Variants in PLXNA4 observed in about 807,000 individuals in gnomAD.
The protein encoded by PLXNA4 is plexin-A4.
Under a neutral mutation model 191.8 loss-of-function variants are expected in PLXNA4, and 44 were observed. The observed-to-expected ratio is 0.23, with a 90% CI of 0.18 to 0.29. The LOEUF (loss-of-function observed/expected upper bound fraction) is 0.29. PLXNA4 is among the 10% of genes least tolerant of loss of function. The pLI is 1.00. For missense variants in PLXNA4, 1,800 were observed against 2,488.8 expected (o/e 0.72, Z 5.89); for synonymous variants, 1,082 against 1,009.5 (o/e 1.07, Z -1.36).
intron 9 of PLXNA4, among the ~76,000 whole-genome samples, chr7:132,222,378 G>C (rs528948702): frequency 2.6e-5 from 4 of 152,320 alleles, no homozygotes; most frequent in Admixed American, 6.5e-5. Flanking sequence ...CTCCCATGAG[G>C]GTTTGGCCAA....
chr7:132,639,929 G>A (rs559260838), intron 2 of PLXNA4, among the ~76,000 whole-genome samples: 4 of 152,306 alleles, frequency 2.6e-5, no homozygotes, highest in Middle Eastern at 6.8e-3. Flanking sequence ...AACTGGCTTC[G>A]GGTAAGAACA....
chr7:132,187,320 AAATTGGCTCTATCTGT>A, intron 15 of PLXNA4, 135 bp downstream of exon 15: 2 of 1,239,360 alleles, frequency 1.6e-6, no homozygotes, highest in Non-Finnish European at 2.2e-6. Context: ...CTGTCTCAGG[AAATTGGCTCTATCTGT>A]GCAGCTGGCA....
At chr7:132,434,662 A>T (rs1365662699) in intron 3 of PLXNA4, among the ~76,000 whole-genome samples, 1 of 152,204 alleles carries the variant, frequency 6.6e-6, no homozygotes, top group Non-Finnish European at 1.5e-5. Context: ...ACGTAGTCAG[A>T]TGAAAGAACA....
intron 1 of PLXNA4, among the ~76,000 whole-genome samples, chr7:132,561,026 A>C (rs1801015784): frequency 6.6e-6 from 1 of 151,962 alleles, no homozygotes; most frequent in Non-Finnish European, 1.5e-5. Context: ...TCTTCCTTGG[A>C]GATCGCCAAG....
chr7:132,474,214 T>TCACACA (rs56832356), intron 3 of PLXNA4, among the ~76,000 whole-genome samples: 6,455 of 140,188 alleles, frequency 0.046, 210 homozygotes, highest in African/African-American at 0.09. Flanking sequence ...TCTCTCTGTC[T>TCACACA]CACACACACA....
At chr7:132,480,192 C>T (rs1244742880) in intron 3 of PLXNA4, among the ~76,000 whole-genome samples, 1 of 152,090 alleles carries the variant, frequency 6.6e-6, no homozygotes, top group African/African-American at 2.4e-5. Context: ...TACAATACTA[C>T]AGAGCGACAG....
chr7:132,180,849 A>C, intron 18 of PLXNA4, 117 bp from the exon 19 acceptor site: 1 of 1,470,602 alleles, frequency 6.8e-7, no homozygotes, highest in Non-Finnish European at 9.1e-7. Context: ...TGAAGAAGCC[A>C]CCTTTGGTAA....
At chr7:132,310,501 T>C (rs1415003876) in intron 3 of PLXNA4, among the ~76,000 whole-genome samples, 1 of 152,208 alleles carries the variant, frequency 6.6e-6, no homozygotes, top group Non-Finnish European at 1.5e-5. Context: ...GGTCCCAGCA[T>C]CCTCAGAGAC....
chr7:132,612,768 C>A (rs1803077994), intron 2 of PLXNA4, among the ~76,000 whole-genome samples: 1 of 151,710 alleles, frequency 6.6e-6, no homozygotes, highest in Non-Finnish European at 1.5e-5. Context: ...GAGGGCCTGT[C>A]CTGTGTATTG....
chr7:132,468,107 A>G (rs1356489674), intron 3 of PLXNA4, among the ~76,000 whole-genome samples: 1 of 152,158 alleles, frequency 6.6e-6, no homozygotes, highest in Non-Finnish European at 1.5e-5. Flanking sequence ...GCTCTCTGGA[A>G]TAAGAGAAAG....
At chr7:132,395,187 T>G (rs1014884320) in intron 3 of PLXNA4, among the ~76,000 whole-genome samples, 3 of 151,606 alleles carry the variant, frequency 2.0e-5, no homozygotes, top group African/African-American at 7.3e-5. Flanking sequence ...AGGTCTGGAC[T>G]GGAGTGGAAG....
chr7:132,462,585 T>C (rs1378869673), intron 3 of PLXNA4, among the ~76,000 whole-genome samples: 1 of 152,034 alleles, frequency 6.6e-6, no homozygotes, highest in Non-Finnish European at 1.5e-5. Context: ...TACTCAAGTA[T>C]CTTCTTTTAT....
At chr7:132,459,927 C>T (rs190473950) in intron 3 of PLXNA4, among the ~76,000 whole-genome samples, 4 of 152,162 alleles carry the variant, frequency 2.6e-5, no homozygotes, top group East Asian at 1.9e-4. Context: ...GCCCCCACCC[C>T]GCCCCTTCTC....
Position 132,489,490 on chromosome 7 carries a change from A to T in PLXNA4, c.1189-16T>A. ...TGGTTAAGAGCTGCAAATTTTAAAAAGAGAAAAATTAGAAGGGAGCGTCAA... is the reference window on the plus strand; with the variant it reads ...TGGTTAAGAGCTGCAAATTTTAAAATGAGAAAAATTAGAAGGGAGCGTCAA... On this transcript the variant is annotated splice_polypyrimidine_tract_variant and intron_variant, in intron 2 of 31. Coordinates refer to ENST00000321063, the MANE Select transcript of PLXNA4 (RefSeq NM_020911.2). The T allele has an allele frequency of 6.5e-7, 1 of 1,534,878 alleles. No homozygotes were observed. The highest frequency in any genetic ancestry group is 8.9e-7 in the Non-Finnish European group (1 of 1,124,160).
chr7:132,587,737 G>A (rs868098960), intron 2 of PLXNA4, among the ~76,000 whole-genome samples: 2 of 151,926 alleles, frequency 1.3e-5, no homozygotes, highest in Middle Eastern at 3.2e-3. Flanking sequence ...ACGAAGGGAA[G>A]AGGCAGGTAC....
intron 3 of PLXNA4, among the ~76,000 whole-genome samples, chr7:132,436,743 T>C (rs544168739): frequency 4.9e-4 from 74 of 152,284 alleles, no homozygotes; most frequent in African/African-American, 1.6e-3. Context: ...AAAAGGTCAG[T>C]GAGCGAGAGA....
chr7:132,297,373 A>T (rs1396806549), intron 4 of PLXNA4, among the ~76,000 whole-genome samples: 2 of 152,130 alleles, frequency 1.3e-5, no homozygotes, highest in Non-Finnish European at 2.9e-5. Flanking sequence ...AAATACATGG[A>T]TGTCCAAGGT....
chr7:132,472,885 C>T (rs936055878), intron 3 of PLXNA4, among the ~76,000 whole-genome samples: 1 of 152,204 alleles, frequency 6.6e-6, no homozygotes, highest in African/African-American at 2.4e-5. Flanking sequence ...TCAGAGTCCC[C>T]ACAACCCCAA....
chr7:132,365,013 G>C (rs1804098107), intron 3 of PLXNA4, among the ~76,000 whole-genome samples: 1 of 152,190 alleles, frequency 6.6e-6, no homozygotes. Flanking sequence ...CCCTGGGGAA[G>C]ACTGCACCAA....
Sources: gnomAD v4.1 joint callset for allele counts (sites outside exome capture counted in the v4.1 genomes callset) on GRCh38, gnomAD v4.1.1 for gene constraint, MANE v1.5 for transcripts, NCBI Gene and HGNC (gene_info 2026-07-23, HGNC 2026-07-21) for gene names.